Variants in FN1 observed in about 807,000 individuals in gnomAD.
FN1 encodes the protein fibronectin.
A neutral mutation model predicts 297.3 loss-of-function variants in FN1; 106 were observed. The observed-to-expected ratio is 0.36, with a 90% CI of 0.30 to 0.42. The LOEUF is 0.42. FN1 is among the 10% of genes least tolerant of loss of function. The pLI, the probability that FN1 is intolerant of heterozygous loss-of-function variation, is 1.00. For missense variants in FN1, 2,690 were observed against 3,124.9 expected (o/e 0.86, Z 3.32); for synonymous variants, 1,149 against 1,152.6 (o/e 1.00, Z 0.06).
chr2:215,399,344 A>G lies in FN1; in HGVS notation c.3261T>C (p.Pro1087=). Reference sequence around the variant, plus strand: ...TGTTGTAAGGTGGAATAGAGCTCCCAGGCTGCACTGTGAGAGAGAATCAAT... The same window carrying G: ...TGTTGTAAGGTGGAATAGAGCTCCCGGGCTGCACTGTGAGAGAGAATCAAT... The part of the protein sequence containing the change: ...KATGVFTTLQ[P]GSSIPPYNTE... The change falls in exon 21 of 46, where the codon CCT becomes CCC. Residue 1087 remains proline, a synonymous_variant. Transcript: ENST00000354785. The G allele has an allele frequency of 1.2e-6, 2 of 1,611,746 alleles. No homozygotes were observed. Among genetic ancestry groups the G allele is most frequent in the African/African-American group, 1.3e-5 (1 of 75,018 alleles).
At chr2:215,375,815 C>A in intron 36 of FN1, 97 bp from the exon 37 acceptor site, 1 of 776,754 alleles carries the variant, frequency 1.3e-6, no homozygotes, top group Non-Finnish European at 2.3e-6. Context: ...TCTATCATCC[C>A]ATATTTATAT....
chr2:215,371,330 T>G (rs899481523), intron 40 of FN1, among the ~76,000 whole-genome samples: 1 of 151,056 alleles, frequency 6.6e-6, no homozygotes, highest in Admixed American at 6.6e-5. Context: ...AGAGAATCAA[T>G]CACTTATCAG....
rs370619988 is a variant in FN1 at position 215,431,830 on chromosome 2, C to G, written c.547+3G>C. ...CTCTTGCTCAGCCCTAAGACTCACA[C>G]ACCTATGGGCTTGCAGGTCCATTCT... On this transcript the variant is annotated splice_donor_region_variant and intron_variant, in intron 4 of 45. Coordinates refer to ENST00000354785, the MANE Select transcript of FN1 (RefSeq NM_212482.4). 3.7e-6 allele frequency: 6 copies of G among 1,614,010 alleles called. No homozygotes were observed. The highest frequency in any genetic ancestry group is 1.7e-5 in the Admixed American group (1 of 60,012).
chr2:215,403,792 G>A (rs921959591), intron 20 of FN1, among the ~76,000 whole-genome samples: 2 of 152,110 alleles, frequency 1.3e-5, no homozygotes, highest in African/African-American at 4.8e-5. Context: ...GAGCGATTCC[G>A]TCTGCAAAAG....
intron 12 of FN1, among the ~76,000 whole-genome samples, chr2:215,417,203 ATTAAC>A (rs2063549706): frequency 6.6e-6 from 1 of 152,192 alleles, no homozygotes; most frequent in Admixed American, 6.5e-5. Flanking sequence ...AACTTTTTAA[ATTAAC>A]TTAATTGGCA....
At chr2:215,418,784 G>A (rs1015495738) in intron 12 of FN1, among the ~76,000 whole-genome samples, 6 of 152,152 alleles carry the variant, frequency 3.9e-5, no homozygotes, top group Non-Finnish European at 8.8e-5. Context: ...TCAAACAAAT[G>A]AAAAGTTTGA....
At chr2:215,417,095 G>T (rs1575713375) in intron 12 of FN1, among the ~76,000 whole-genome samples, 1 of 152,096 alleles carries the variant, frequency 6.6e-6, no homozygotes, top group African/African-American at 2.4e-5. Context: ...CTTATACTAT[G>T]TATCCTTTAA....
rs543466635 is a variant in FN1, at chr2:215,361,864, T to G, written c.7362+105A>C. ...TCACTTAAGTCATTTATGAGTTGTTTTTTTTTTTAATTAATTAAAACACTT... is the reference window on the plus strand; with the variant it reads ...TCACTTAAGTCATTTATGAGTTGTTGTTTTTTTTAATTAATTAAAACACTT... On this transcript the variant is annotated intron_variant, in intron 45 of 45. Transcript: ENST00000354785. 325 of 1,461,684 alleles carry G rather than the reference T, an allele frequency of 2.2e-4. 2 individuals are homozygous for G. The highest frequency in any genetic ancestry group is 2.0e-3 in the South Asian group (155 of 77,688). The allele number at this position is 1,461,684 out of a possible 1,614,324, so 90.5% of individuals were successfully genotyped here.
At chr2:215,417,831 T>C (rs554185601) in intron 12 of FN1, among the ~76,000 whole-genome samples, 13 of 152,304 alleles carry the variant, frequency 8.5e-5, no homozygotes, top group African/African-American at 3.1e-4. Flanking sequence ...CATGTCCACC[T>C]AAATGCTTCC....
chr2:215,417,026 T>G (rs1362940253), intron 12 of FN1, among the ~76,000 whole-genome samples: 1 of 152,246 alleles, frequency 6.6e-6, no homozygotes. Flanking sequence ...TTGTGTCAGT[T>G]ATTTCTTAGA....
chr2:215,368,073 C>CGATTTG (rs748245477), intron 41 of FN1, 46 bp from the exon 42 acceptor site: 3 of 1,587,854 alleles, frequency 1.9e-6, no homozygotes, highest in Non-Finnish European at 2.6e-6. Flanking sequence ...TCTTATTAAT[C>CGATTTG]GATTTGGACC....
chr2:215,376,776 T>G, intron 35 of FN1, 102 bp from the exon 36 acceptor site: 2 of 969,434 alleles, frequency 2.1e-6, no homozygotes, highest in Non-Finnish European at 3.2e-6. Context: ...TTCATCCATT[T>G]CAAGAAATAT....
At chr2:215,389,766 G>A (rs2059489128) in intron 26 of FN1, among the ~76,000 whole-genome samples, 1 of 151,174 alleles carries the variant, frequency 6.6e-6, no homozygotes, top group South Asian at 2.1e-4. Flanking sequence ...CTCCATCCTG[G>A]GCAACAGAGG....
At chr2:215,433,528 C>T in intron 2 of FN1, 67 bp from the exon 3 acceptor site, 1 of 1,524,188 alleles carries the variant, frequency 6.6e-7, no homozygotes, top group Non-Finnish European at 9.0e-7. Flanking sequence ...CACTAATCCC[C>T]TCTAAAGGAA....
At chr2:215,416,574 T>C (rs2063463316) in intron 12 of FN1, among the ~76,000 whole-genome samples, 1 of 152,198 alleles carries the variant, frequency 6.6e-6, no homozygotes, top group African/African-American at 2.4e-5. Context: ...ATAGGGCTAT[T>C]TAAATATTGA....
chr2:215,404,265 A>G (rs1245319231), intron 20 of FN1, 124 bp downstream of exon 20: 1 of 1,013,144 alleles, frequency 9.9e-7, no homozygotes, highest in Non-Finnish European at 1.5e-6. Context: ...CATTTTTAGT[A>G]TCACTGATTT....
chr2:215,434,080 GAC>G (rs1185960150), intron 2 of FN1, among the ~76,000 whole-genome samples: 4 of 152,184 alleles, frequency 2.6e-5, no homozygotes, highest in Non-Finnish European at 1.5e-5. Context: ...CCAGCCTGGT[GAC>G]AGAGCAAGAC....
In FN1 at chr2:215,425,293, C is replaced by T. The variant is rs2065134841; in HGVS notation, c.845-8G>A. ...CGGTGAAGGGGCCAGATCCTAATGG[C>T]ATGAAAAGGGAATGTCACAAAACTG... On this transcript the variant is annotated splice_region_variant and splice_polypyrimidine_tract_variant and intron_variant, in intron 6 of 45. Transcript: ENST00000354785. 1.2e-6 allele frequency: 2 copies of T among 1,613,724 alleles called. No homozygotes were observed. The highest frequency in any genetic ancestry group is 1.7e-6 in the Non-Finnish European group (2 of 1,179,924).
At chr2:215,379,567 T>TA in intron 33 of FN1, 1 of 396,626 alleles carries the variant, frequency 2.5e-6, no homozygotes, top group Non-Finnish European at 4.5e-6. Context: ...GCCAAAACTC[T>TA]AAGAGATTTT....
Sources: gnomAD v4.1 joint callset for allele counts (sites outside exome capture counted in the v4.1 genomes callset) on GRCh38, gnomAD v4.1.1 for gene constraint, MANE v1.5 for transcripts, NCBI Gene and HGNC (gene_info 2026-07-23, HGNC 2026-07-21) for gene names.